PHKA2: variants seen among roughly 807,000 people sequenced by gnomAD.
PHKA2 encodes the protein phosphorylase b kinase regulatory subunit alpha, liver isoform.
PHKA2 carries 31 observed loss-of-function variants against 102.0 expected under a neutral mutation model. That is an observed-to-expected ratio of 0.30 (90% CI 0.23 to 0.41). The LOEUF (loss-of-function observed/expected upper bound fraction) is 0.41. Among genes scored for constraint, PHKA2 ranks in the 10% least tolerant of loss-of-function variants. PHKA2 has a pLI of 1.00. For synonymous variants in PHKA2, 455 were observed against 416.2 expected (o/e 1.09, Z -1.13); for missense variants, 858 against 1,023.1 (o/e 0.84, Z 2.20).
At chrX:18,896,180 A>G (rs1357430980) in intron 30 of PHKA2, 12 of 112,084 alleles carry the variant, frequency 1.1e-4, no homozygotes, top group Non-Finnish European at 1.9e-4. Flanking sequence ...TCTGGGGGGA[A>G]AAAAATGTCT....
intron 5 of PHKA2, among the ~76,000 whole-genome samples, chrX:18,947,638 C>G (rs2048605646): frequency 8.9e-6 from 1 of 112,494 alleles, no homozygotes; most frequent in African/African-American, 3.2e-5. Flanking sequence ...TTTAATCCAG[C>G]AATCCCACTC....
chrX:18,919,888 G>T (rs1235078668), intron 18 of PHKA2, 144 bp downstream of exon 18: 4 of 531,291 alleles, frequency 7.5e-6, no homozygotes, highest in Non-Finnish European at 1.3e-5. Context: ...TTTAATATAT[G>T]CAAGTTTCAG....
Position 18,939,038 on chromosome X carries a change from G to T in PHKA2, c.919-289C>A, listed in dbSNP as rs181164387. Among the ~76,000 whole-genome samples, 5 of 112,531 alleles carry T rather than the reference G, an allele frequency of 4.4e-5. 1 individual carries two copies. The Admixed American group carries it at 4.7e-4, about 11-fold the overall frequency. On this transcript the variant is annotated intron_variant, in intron 9 of 32. Coordinates refer to ENST00000379942, the MANE Select transcript of PHKA2 (RefSeq NM_000292.3). Reference sequence around the variant, plus strand: ...TACCACCAAGTTTGGCAGAGGATCTGATTTATATCATTATATTAGTCAGTG... The same window carrying T: ...TACCACCAAGTTTGGCAGAGGATCTTATTTATATCATTATATTAGTCAGTG...
intron 29 of PHKA2, chrX:18,897,569 C>T (rs1222986951): frequency 1.2e-5 from 5 of 417,486 alleles, no homozygotes; most frequent in Non-Finnish European, 2.1e-5. Context: ...GAGAGGCAGT[C>T]CCACCCCCAA....
At chrX:18,911,688 G>A (rs1402200918) in intron 19 of PHKA2, among the ~76,000 whole-genome samples, 1 of 112,334 alleles carries the variant, frequency 8.9e-6, no homozygotes, top group African/African-American at 3.2e-5. Context: ...ATTTAGTTTA[G>A]CTTCAACAAG....
At chrX:18,983,758 G>A (rs763415077) in intron 1 of PHKA2, 97 bp downstream of exon 1, 1 of 724,480 alleles carries the variant, frequency 1.4e-6, no homozygotes, top group Non-Finnish European at 2.2e-6. Context: ...ACTCTTAATT[G>A]CAAGGTCTCA....
At chrX:18,979,212 T>C (rs1354305671) in intron 1 of PHKA2, among the ~76,000 whole-genome samples, 1 of 112,249 alleles carries the variant, frequency 8.9e-6, no homozygotes, top group African/African-American at 3.2e-5. Flanking sequence ...CATATTATTA[T>C]TTTCTAATAC....
At position 18,948,804 on chromosome X, in the gene PHKA2, G is replaced by T; in HGVS notation, c.477C>A (p.Leu159=). The change falls in exon 5 of 33, where the codon CTC becomes CTA. Residue 159 remains leucine, a synonymous_variant. Transcript: ENST00000379942. ...TASGLRIIFT[L]DEVAFIQNLV... ...GATTCTGTATGAAGGCCACCTCATC[G>T]AGAGTGAAAATGATACGTAAGCCTA... 1 of 1,191,690 alleles carries T rather than the reference G, an allele frequency of 8.4e-7. No homozygotes were observed. Among genetic ancestry groups the T allele is most frequent in the South Asian group, 1.8e-5 (1 of 56,498 alleles).
intron 9 of PHKA2, 82 bp from the exon 10 acceptor site, chrX:18,938,831 G>A: frequency 1.1e-6 from 1 of 929,711 alleles, no homozygotes; most frequent in Non-Finnish European, 1.6e-6. Flanking sequence ...GGTTTCCCAT[G>A]CTTGACTGAT....
intron 32 of PHKA2, chrX:18,893,982 G>A: frequency 4.3e-6 from 2 of 468,307 alleles, no homozygotes; most frequent in Admixed American, 3.1e-5. Flanking sequence ...AAGTGGTGGT[G>A]TTTGGACGAA....
intron 26 of PHKA2, among the ~76,000 whole-genome samples, chrX:18,905,383 G>C (rs1436708812): frequency 9.0e-6 from 1 of 111,371 alleles, no homozygotes; most frequent in Non-Finnish European, 1.9e-5. Context: ...CACCACGTTG[G>C]TCAGGCTGGT....
intron 1 of PHKA2, among the ~76,000 whole-genome samples, chrX:18,954,897 T>C (rs1428194261): frequency 8.9e-6 from 1 of 112,109 alleles, no homozygotes; most frequent in Admixed American, 9.5e-5. Context: ...ACTTTCCCTC[T>C]CTGGGCAATC....
rs1426468938 is a variant in PHKA2 at position 18,925,204 on chromosome X, T to C, written c.1569+464A>G. ...TGGTCTTTCTAGCTGCCCAAATGGG[T>C]GAAAAATATTTTCTATGTACTTCCA... On this transcript the variant is annotated intron_variant, in intron 15 of 32. Transcript: ENST00000379942. 2.7e-5 allele frequency among the ~76,000 whole-genome samples: 3 copies of C among 112,375 alleles called. No homozygotes were observed. The East Asian group carries it at 8.4e-4, about 31-fold the overall frequency.
chrX:18,965,725 G>C (rs980658800), intron 1 of PHKA2, among the ~76,000 whole-genome samples: 1 of 111,066 alleles, frequency 9.0e-6, no homozygotes, highest in Admixed American at 9.6e-5. Flanking sequence ...TAACCCATTT[G>C]ATCAAGAACC....
At position 18,954,455 on chromosome X, in the gene PHKA2, T is replaced by C. The variant is rs1411142544; in HGVS notation, c.79-43A>G. The C allele has an allele frequency of 2.6e-6, 3 of 1,161,311 alleles. No individual in the cohort carries two copies. In the South Asian group the frequency reaches 5.4e-5, roughly 21 times the overall value. ...CAAAATGGCTCAGTGCCATCCTTCA[T>C]GCAGTCCCTGGGTAACAGATGCTTG... On this transcript the variant is annotated intron_variant, in intron 1 of 32. Coordinates refer to ENST00000379942, the MANE Select transcript of PHKA2 (RefSeq NM_000292.3).
chrX:18,965,894 CT>C (rs1405560451), intron 1 of PHKA2, among the ~76,000 whole-genome samples: 2 of 110,993 alleles, frequency 1.8e-5, no homozygotes, highest in African/African-American at 6.6e-5. Context: ...AATAAATAGC[CT>C]TTTAAAGTTT....
At chrX:18,936,439 C>T (rs145084444) in intron 10 of PHKA2, among the ~76,000 whole-genome samples, 118 of 110,909 alleles carry the variant, frequency 1.1e-3, no homozygotes, top group African/African-American at 3.2e-3. Flanking sequence ...GCTGTTTCTT[C>T]CTCAAAATTC....
At chrX:18,894,097 C>T (rs1203442451) in intron 32 of PHKA2, 107 bp downstream of exon 32, 3 of 752,208 alleles carry the variant, frequency 4.0e-6, no homozygotes, top group Non-Finnish European at 6.1e-6. Flanking sequence ...TCCCCATCAT[C>T]TGTGATGACA....
In PHKA2 at chrX:18,892,835, C is replaced by T. The variant is rs1000069407; in HGVS notation, c.*650G>A. 3 of 111,425 alleles carry T rather than the reference C, an allele frequency of 2.7e-5. No homozygotes were observed. The highest frequency in any genetic ancestry group is 3.7e-5 in the Non-Finnish European group (2 of 53,689). 9.2% of individuals were successfully genotyped at this position (111,425 alleles called of 1,213,427 possible). ...GTTCATAGACAGCCAGGATAAAAAC[C>T]CTGGAAGACCATGAGCCAAGGTGAA... is the stretch of plus-strand genomic sequence containing the variant. On this transcript the variant is annotated 3_prime_UTR_variant, in exon 33 of 33. Coordinates refer to ENST00000379942, the MANE Select transcript of PHKA2 (RefSeq NM_000292.3).
Sources: allele counts gnomAD v4.1 joint callset (sites outside exome capture counted in the v4.1 genomes callset), GRCh38; gene constraint gnomAD v4.1.1; transcripts MANE v1.5; gene names NCBI Gene and HGNC (gene_info 2026-07-23, HGNC 2026-07-21).